IL1RL1: variants seen among roughly 807,000 people sequenced by gnomAD.
IL1RL1 encodes interleukin 1 receptor like 1.
IL1RL1 carries 32 observed loss-of-function variants against 50.9 expected under a neutral mutation model. The observed-to-expected ratio is 0.63, with a 90% confidence interval of 0.47 to 0.84. The LOEUF (loss-of-function observed/expected upper bound fraction) is 0.84. Among genes scored for constraint, IL1RL1 ranks in the 40% least tolerant of loss-of-function variants. The pLI is 0.00. For synonymous variants in IL1RL1, 275 were observed against 236.0 expected (o/e 1.17, Z -1.51); for missense variants, 773 against 662.9 (o/e 1.17, Z -1.82).
At chr2:102,334,762 T>G (rs1457708312) in intron 1 of IL1RL1, among the ~76,000 whole-genome samples, 2 of 152,184 alleles carry the variant, frequency 1.3e-5, no homozygotes, top group African/African-American at 4.8e-5. Context: ...CATTTACATT[T>G]TACATTTCAG....
At chr2:102,319,009 G>A (rs1467683116) in intron 1 of IL1RL1, among the ~76,000 whole-genome samples, 2 of 152,006 alleles carry the variant, frequency 1.3e-5, no homozygotes, top group African/African-American at 2.4e-5. Flanking sequence ...GGAAAACAAA[G>A]AAAGAAGGGA....
rs760810268 is a variant in IL1RL1 at position 102,349,110 on chromosome 2, C to T, written c.1149C>T (p.Tyr383=). ...DGKLYDAYVV[Y]PRNYKSSTDG... Reference sequence around the variant, plus strand: ...AGCTCTATGATGCTTATGTTGTCTACCCACGGAACTACAAATCCAGTACAG... The same window carrying T: ...AGCTCTATGATGCTTATGTTGTCTATCCACGGAACTACAAATCCAGTACAG... The change falls in exon 10 of 11, where the codon TAC becomes TAT. Residue 383 remains tyrosine (Y), a synonymous_variant. Coordinates refer to ENST00000233954, the MANE Select transcript of IL1RL1 (RefSeq NM_016232.5). 56 of 1,613,480 alleles carry T rather than the reference C, an allele frequency of 3.5e-5. No individual in the cohort carries two copies. Among genetic ancestry groups the T allele is most frequent in the Non-Finnish European group, 4.6e-5 (54 of 1,179,554 alleles).
Position 102,338,160 on chromosome 2 carries a change from A to G in IL1RL1, c.-105A>G, listed in dbSNP as rs1413838241. The G allele has an allele frequency of 4.5e-6, 3 of 665,888 alleles. No individual in the cohort carries two copies. The highest frequency in any genetic ancestry group is 2.6e-4 in the Middle Eastern group (1 of 3,916). The allele number at this position is 665,888 out of a possible 1,614,324, so 41.2% of individuals were successfully genotyped here. A position where few individuals can be genotyped will look rare whatever the true frequency, so the allele number is the denominator to read the frequency against. The stretch of plus-strand genomic sequence containing the variant: ...TCCCAACTCAGTCTTGAAGAGTATC[A>G]CCAACTGCCTCATGTGTGGTGACCT... On this transcript the variant is annotated 5_prime_UTR_variant, in exon 2 of 11. Coordinates refer to ENST00000233954, the MANE Select transcript of IL1RL1 (RefSeq NM_016232.5).
At chr2:102,326,457 T>A (rs1677002326) in intron 1 of IL1RL1, among the ~76,000 whole-genome samples, 2 of 151,660 alleles carry the variant, frequency 1.3e-5, no homozygotes, top group South Asian at 4.2e-4. Flanking sequence ...ACGAGCAAAA[T>A]AAATAGCAAA....
chr2:102,327,890 G>A (rs1183835419), intron 1 of IL1RL1, among the ~76,000 whole-genome samples: 1 of 152,090 alleles, frequency 6.6e-6, no homozygotes, highest in Non-Finnish European at 1.5e-5. Flanking sequence ...AAAAGTCCAG[G>A]ACCAGATGGA....
intron 1 of IL1RL1, among the ~76,000 whole-genome samples, chr2:102,326,176 G>C (rs1212735045): frequency 1.3e-5 from 2 of 152,256 alleles, no homozygotes; most frequent in Non-Finnish European, 2.9e-5. Flanking sequence ...CTACAAGCCA[G>C]AAGAGAGTGG....
chr2:102,332,452 C>T (rs1216020729), intron 1 of IL1RL1, among the ~76,000 whole-genome samples: 3 of 152,126 alleles, frequency 2.0e-5, no homozygotes, highest in African/African-American at 7.2e-5. Context: ...TAGGCACACA[C>T]AGTGGAATAT....
chr2:102,313,858 C>T (rs73002417), intron 1 of IL1RL1, among the ~76,000 whole-genome samples: 4,241 of 152,202 alleles, frequency 0.028, 178 homozygotes, highest in African/African-American at 0.096. Context: ...CTTGCATGCG[C>T]GTGCATGTGC....
chr2:102,325,723 G>A (rs1009872851), intron 1 of IL1RL1, among the ~76,000 whole-genome samples: 3 of 152,128 alleles, frequency 2.0e-5, no homozygotes, highest in Non-Finnish European at 4.4e-5. Context: ...CTCAGTAGCC[G>A]ATTTGATCAA....
chr2:102,336,468 A>G (rs1430503967), intron 1 of IL1RL1, among the ~76,000 whole-genome samples: 1 of 151,620 alleles, frequency 6.6e-6, no homozygotes, highest in Non-Finnish European at 1.5e-5. Flanking sequence ...TAGTTCCTGA[A>G]TCCTTCTGAG....
At chr2:102,350,632 G>T (rs1677901292) in intron 10 of IL1RL1, among the ~76,000 whole-genome samples, 1 of 152,240 alleles carries the variant, frequency 6.6e-6, no homozygotes, top group South Asian at 2.1e-4. Context: ...AGTGGCCCTG[G>T]GTGGCTGATC....
chr2:102,339,855 G>A (rs558152576), intron 3 of IL1RL1, among the ~76,000 whole-genome samples: 135 of 152,284 alleles, frequency 8.9e-4, no homozygotes, highest in African/African-American at 3.0e-3. Context: ...AGCAGATGTA[G>A]TGTATGAATA....
chr2:102,326,569 A>G (rs1454740903), intron 1 of IL1RL1, among the ~76,000 whole-genome samples: 1 of 152,232 alleles, frequency 6.6e-6, no homozygotes, highest in African/African-American at 2.4e-5. Flanking sequence ...AATTGGATAA[A>G]GAGTCAAGAC....
chr2:102,322,026 A>G (rs1676851318), intron 1 of IL1RL1, among the ~76,000 whole-genome samples: 1 of 152,118 alleles, frequency 6.6e-6, no homozygotes, highest in South Asian at 2.1e-4. Flanking sequence ...TACCTAATCT[A>G]TCTATACTCT....
intron 1 of IL1RL1, among the ~76,000 whole-genome samples, chr2:102,318,098 TTTG>T (rs1676730185): frequency 6.6e-6 from 1 of 152,238 alleles, no homozygotes; most frequent in African/African-American, 2.4e-5. Context: ...CAATTTGGCT[TTTG>T]TTGGGTAAAG....
chr2:102,352,150 T>A, downstream of IL1RL1: 1 of 484,644 alleles, frequency 2.1e-6, no homozygotes, highest in Non-Finnish European at 3.6e-6. Context: ...TTTCTTCCCT[T>A]TTCCCTTTTG....
chr2:102,325,892 T>A (rs1350624584), intron 1 of IL1RL1, among the ~76,000 whole-genome samples: 1 of 152,156 alleles, frequency 6.6e-6, no homozygotes, highest in Non-Finnish European at 1.5e-5. Context: ...TACCTGAAAG[T>A]GACAGGTAGA....
intron 8 of IL1RL1, chr2:102,344,883 T>C: frequency 1.0e-6 from 1 of 973,388 alleles, no homozygotes; most frequent in Non-Finnish European, 1.2e-6. Context: ...CTACAGTTTT[T>C]TCTGAATCTA....
chr2:102,320,370 A>T (rs904234414), intron 1 of IL1RL1, among the ~76,000 whole-genome samples: 2 of 152,030 alleles, frequency 1.3e-5, no homozygotes, highest in Non-Finnish European at 2.9e-5. Flanking sequence ...TTACAGTGAA[A>T]ATCAGAAGTT....
Sources: gnomAD v4.1 joint callset for allele counts (sites outside exome capture counted in the v4.1 genomes callset) on GRCh38, gnomAD v4.1.1 for gene constraint, MANE v1.5 for transcripts, NCBI Gene and HGNC (gene_info 2026-07-23, HGNC 2026-07-21) for gene names.